Variants in PLEKHA5 observed in about 807,000 individuals in gnomAD.
PLEKHA5 encodes the protein pleckstrin homology domain-containing family A member 5.
In PLEKHA5, 55 loss-of-function variants were observed where a neutral mutation model predicts 181.9. The ratio of observed to expected loss-of-function variants is 0.30; its 90% CI spans 0.24 to 0.38. The LOEUF (loss-of-function observed/expected upper bound fraction) is 0.38, where lower values mean the gene tolerates loss of function less well. Ranked by LOEUF, PLEKHA5 falls within the 10% of genes least tolerant of loss-of-function variation. PLEKHA5 has a pLI of 1.00. For synonymous variants in PLEKHA5, 535 were observed against 529.4 expected, an observed-to-expected ratio of 1.01 and a Z score of -0.15; for missense variants, 1,432 against 1,549.5, an observed-to-expected ratio of 0.92 and a Z score of 1.27.
At chr12:19,257,401 C>T in intron 5 of PLEKHA5, 32 bp from the exon 6 acceptor site, 1 of 1,070,768 alleles carries the variant, frequency 9.3e-7, no homozygotes, top group Non-Finnish European at 1.4e-6. Flanking sequence ...GCATTAATAC[C>T]ACATTTTCTG....
At chr12:19,147,682 A>G (rs1269485450) in intron 3 of PLEKHA5, among the ~76,000 whole-genome samples, 1 of 151,966 alleles carries the variant, frequency 6.6e-6, no homozygotes, top group Non-Finnish European at 1.5e-5. Context: ...GAGAAGTAAA[A>G]GAAACTTATG....
At position 19,283,500 on chromosome 12, in the gene PLEKHA5, T is replaced by C. The variant is rs779817113; in HGVS notation, c.1534T>C (p.Trp512Arg). The change falls in exon 12 of 32, where the codon TGG (tryptophan) becomes CGG (arginine). Residue 512 changes from tryptophan to arginine, a missense_variant. By Grantham distance (101) the Trp-to-Arg change is moderately radical. Transcript: ENST00000429027. The part of the protein sequence containing the change: ...RDDTMWQLYE[W>R]QQRQFYNKQS... ...TGACACAATGTGGCAGCTCTACGAA[T>C]GGCAGCAGCGTCAGTTTTATAACAA... The C allele has an allele frequency of 1.2e-6, 2 of 1,614,170 alleles. No homozygotes were observed. Among genetic ancestry groups the C allele is most frequent in the Middle Eastern group, 1.6e-4 (1 of 6,062 alleles).
intron 15 of PLEKHA5, 48 bp from the exon 16 acceptor site, chr12:19,314,766 T>C: frequency 2.1e-6 from 2 of 966,046 alleles, no homozygotes; most frequent in Non-Finnish European, 3.3e-6. Flanking sequence ...CAAATCTAGC[T>C]ATGCTGTAAA....
At chr12:19,343,523 T>C in intron 22 of PLEKHA5, 89 bp downstream of exon 22, 1 of 768,736 alleles carries the variant, frequency 1.3e-6, no homozygotes, top group South Asian at 1.5e-5. Context: ...GAGAAATGCA[T>C]TGTTAGGTGA....
intron 3 of PLEKHA5, among the ~76,000 whole-genome samples, chr12:19,142,060 C>T (rs1232255470): frequency 6.6e-6 from 1 of 152,074 alleles, no homozygotes; most frequent in African/African-American, 2.4e-5. Flanking sequence ...GTTGAAGTTG[C>T]ATATTATTAA....
At chr12:19,213,749 A>G (rs1367375065) in intron 3 of PLEKHA5, among the ~76,000 whole-genome samples, 1 of 152,170 alleles carries the variant, frequency 6.6e-6, no homozygotes, top group African/African-American at 2.4e-5. Flanking sequence ...AGGAGATGGA[A>G]TGTTAGGTTT....
At chr12:19,252,208 G>C (rs1022124654) in intron 3 of PLEKHA5, among the ~76,000 whole-genome samples, 2 of 152,052 alleles carry the variant, frequency 1.3e-5, no homozygotes, top group Non-Finnish European at 2.9e-5. Flanking sequence ...ATGAAAATTA[G>C]GATTTGGAAA....
intron 20 of PLEKHA5, among the ~76,000 whole-genome samples, chr12:19,334,129 A>G (rs576408599): frequency 6.6e-6 from 1 of 152,298 alleles, no homozygotes; most frequent in Non-Finnish European, 1.5e-5. Context: ...CTTTAATGAA[A>G]TACCCAGCCA....
intron 12 of PLEKHA5, among the ~76,000 whole-genome samples, chr12:19,284,720 T>TA (rs2076867769): frequency 6.6e-6 from 1 of 152,258 alleles, no homozygotes; most frequent in South Asian, 2.1e-4. Flanking sequence ...ATTAGTCAGC[T>TA]AGTACACAAC....
chr12:19,200,351 C>T (rs977301133), intron 3 of PLEKHA5: 6 of 1,529,160 alleles, frequency 3.9e-6, no homozygotes, highest in Non-Finnish European at 3.5e-6. Context: ...TTCATTCTTC[C>T]TGGGAATAGA....
intron 21 of PLEKHA5, among the ~76,000 whole-genome samples, chr12:19,340,426 C>A (rs2093785606): frequency 8.1e-6 from 1 of 124,154 alleles, no homozygotes; most frequent in Non-Finnish European, 1.9e-5. Flanking sequence ...GCGCCTCTGC[C>A]CGGCCACCAC....
At chr12:19,371,741 T>C (rs909886875) in intron 31 of PLEKHA5, 1 of 152,318 alleles carries the variant, frequency 6.6e-6, no homozygotes, top group African/African-American at 2.4e-5. Context: ...TTCCATACCC[T>C]TGGAGTTGCA....
chr12:19,262,380 C>T (rs536858156), intron 7 of PLEKHA5, among the ~76,000 whole-genome samples: 50 of 152,076 alleles, frequency 3.3e-4, no homozygotes, highest in Admixed American at 6.6e-4. Context: ...ATTACAGGCA[C>T]GCGCCACCAC....
At chr12:19,282,660 A>G (rs2076429119) in intron 11 of PLEKHA5, among the ~76,000 whole-genome samples, 1 of 152,212 alleles carries the variant, frequency 6.6e-6, no homozygotes, top group Non-Finnish European at 1.5e-5. Context: ...GTTTATTTAT[A>G]TAAAAACAAA....
At chr12:19,303,996 G>T (rs1005316714) in intron 15 of PLEKHA5, among the ~76,000 whole-genome samples, 40 of 151,636 alleles carry the variant, frequency 2.6e-4, no homozygotes, top group Non-Finnish European at 4.7e-4. Flanking sequence ...TTTGTAGAGG[G>T]GGGGGTTTCA....
chr12:19,373,965 G>T (rs114260353), intron 31 of PLEKHA5, among the ~76,000 whole-genome samples: 1,629 of 152,210 alleles, frequency 0.011, 38 homozygotes, highest in African/African-American at 0.037. Context: ...AAGAGCAGTG[G>T]CATACTGTAA....
At chr12:19,360,932 T>C (rs7488238) in intron 28 of PLEKHA5, among the ~76,000 whole-genome samples, 100,907 of 151,734 alleles carry the variant, frequency 0.67, 37,544 homozygotes, top group Non-Finnish European at 0.86. Context: ...ATTTTTTGTG[T>C]TATTAGTAGA....
intron 8 of PLEKHA5, among the ~76,000 whole-genome samples, chr12:19,268,043 C>A (rs1047464051): frequency 6.6e-6 from 1 of 151,916 alleles, no homozygotes; most frequent in Non-Finnish European, 1.5e-5. Context: ...GGGTGATGGA[C>A]GGCCTCAATG....
intron 12 of PLEKHA5, among the ~76,000 whole-genome samples, 180 bp downstream of exon 12, chr12:19,283,925 A>C (rs2076688005): frequency 6.6e-6 from 1 of 152,248 alleles, no homozygotes; most frequent in Non-Finnish European, 1.5e-5. Context: ...TGTATAAAAA[A>C]TACCTAATTG....
Sources: allele counts gnomAD v4.1 joint callset (sites outside exome capture counted in the v4.1 genomes callset), GRCh38; gene constraint gnomAD v4.1.1; transcripts MANE v1.5; gene names NCBI Gene and HGNC (gene_info 2026-07-23, HGNC 2026-07-21).